The following FAM53A variants were observed in gnomAD, a reference collection of about 807,000 sequenced individuals.
The protein encoded by FAM53A is family with sequence similarity 53 member A, also known as protein FAM53A.
In FAM53A, 28 loss-of-function variants were observed where a neutral mutation model predicts 26.6. The ratio of observed to expected loss-of-function variants is 1.05; its 90% CI spans 0.78 to 1.45. The LOEUF (loss-of-function observed/expected upper bound fraction) is 1.45, where lower values mean the gene tolerates loss of function less well. Ranked by LOEUF, FAM53A falls within the 40% of genes most tolerant of loss-of-function variation. The pLI is 0.00. For missense variants in FAM53A, 650 were observed against 575.8 expected (o/e 1.13, Z -1.32); for synonymous variants, 290 against 253.1 (o/e 1.15, Z -1.38).
rs1199332228 is a variant in FAM53A, at chr4:1,641,452, G to C, written c.1038C>G (p.Ser346Arg). ...PGCSQRGLRTSPVHPNLWASR... is the reference protein window; with the variant it reads ...PGCSQRGLRTRPVHPNLWASR... ...AGGCCCACAGGTTGGGGTGGACAGG[G>C]CTGGTCCTGAGGCCCCTCTGGCTGC... is the stretch of plus-strand genomic sequence containing the variant. The change falls in exon 5 of 5, where the codon AGC (serine) becomes AGG (arginine). Residue 346 changes from serine (S) to arginine (R), a missense_variant. By Grantham distance (110) the Ser-to-Arg change is moderately radical. Transcript: ENST00000308132. The C allele has an allele frequency of 6.2e-7, 1 of 1,614,118 alleles. No individual in the cohort carries two copies. Among genetic ancestry groups the C allele is most frequent in the Admixed American group, 1.7e-5 (1 of 59,994 alleles).
chr4:1,623,892 C>T (rs980609725), intron 1 of FAM53A, among the ~76,000 whole-genome samples: 8 of 152,126 alleles, frequency 5.3e-5, no homozygotes, highest in Non-Finnish European at 8.8e-5. Flanking sequence ...CTCTGGCGGG[C>T]GGGGAGAAGT....
At chr4:1,626,057 C>T (rs1435573423) in intron 1 of FAM53A, among the ~76,000 whole-genome samples, 1 of 152,198 alleles carries the variant, frequency 6.6e-6, no homozygotes, top group Non-Finnish European at 1.5e-5. Flanking sequence ...TGGCTGCCTG[C>T]CAGGGTGCAG....
At chr4:1,638,018 C>T (rs1715923674), downstream of FAM53A, among the ~76,000 whole-genome samples, 1 of 151,906 alleles carries the variant, frequency 6.6e-6, no homozygotes. Context: ...CCGTGGGTGA[C>T]ACAGCTGAGC....
At chr4:1,601,185 C>T in the FAM53A span, among the ~76,000 whole-genome samples, 19 of 152,102 alleles carry the variant, frequency 1.2e-4, no homozygotes, top group African/African-American at 4.1e-4. Flanking sequence ...AGGCTGCCAA[C>T]GGGCAGGGCC....
intron 2 of FAM53A, among the ~76,000 whole-genome samples, chr4:1,666,735 C>G (rs995360971): frequency 2.0e-5 from 3 of 152,292 alleles, no homozygotes; most frequent in Admixed American, 6.5e-5. Context: ...GGCGCAGTGG[C>G]TCACGCCTGT....
chr4:1,600,607 C>G, the FAM53A span, among the ~76,000 whole-genome samples: 1 of 152,232 alleles, frequency 6.6e-6, no homozygotes, highest in African/African-American at 2.4e-5. Context: ...CACTGCGGTC[C>G]CCATCGGCTT....
chr4:1,637,713 G>A (rs1226898923), downstream of FAM53A, among the ~76,000 whole-genome samples: 2 of 152,242 alleles, frequency 1.3e-5, no homozygotes, highest in East Asian at 3.9e-4. Flanking sequence ...CTGTCTGAAG[G>A]ATCCCAGCCT....
the FAM53A span, among the ~76,000 whole-genome samples, chr4:1,587,017 G>A: frequency 2.0e-5 from 3 of 152,164 alleles, no homozygotes; most frequent in East Asian, 3.8e-4. Context: ...TTTACAACCC[G>A]TTGGCCATTT....
At chr4:1,598,423 C>T in the FAM53A span, among the ~76,000 whole-genome samples, 1 of 152,242 alleles carries the variant, frequency 6.6e-6, no homozygotes, top group Non-Finnish European at 1.5e-5. Flanking sequence ...GGATCTGTTT[C>T]CTCAAAGCAG....
In FAM53A at chr4:1,655,554, G is replaced by C; in HGVS notation, c.306C>G (p.Thr102=). The C allele has an allele frequency of 6.4e-7, 1 of 1,565,312 alleles. No homozygotes were observed. The highest frequency in any genetic ancestry group is 8.7e-7 in the Non-Finnish European group (1 of 1,154,974). Residue 102 remains threonine, a synonymous_variant, in exon 4 of 5, where the codon ACC becomes ACG. Transcript: ENST00000308132. ...AGCCTGTGCTTTCACTGGGGTCCACGGTGCTGGCTGCACCCAGGCCTGCGC... is the reference window on the plus strand; with the variant it reads ...AGCCTGTGCTTTCACTGGGGTCCACCGTGCTGGCTGCACCCAGGCCTGCGC... ...RPGAGLGAAS[T]VDPSESTGSS...
At position 1,634,522 on chromosome 4, in the gene FAM53A, C is replaced by T. The variant is rs530814412; in HGVS notation, c.432-16411G>A. ...ACGTGCCTGGGACATAATTTGGGCA[C>T]GGTCTTTTTTTTCCATTCTCTGAAC... On this transcript the variant is annotated intron_variant, in intron 1 of 1. Transcript: ENST00000489029. Among the ~76,000 whole-genome samples the T allele has an allele frequency of 4.6e-5, 7 of 152,324 alleles. No homozygotes were observed. The East Asian group carries it at 5.8e-4, about 13-fold the overall frequency.
chr4:1,659,404 C>T lies in FAM53A; in HGVS notation c.76-1936G>A, dbSNP rs1713660836. 6.6e-6 allele frequency among the ~76,000 whole-genome samples: 1 copy of T among 152,244 alleles called. No individual in the cohort carries two copies. Among genetic ancestry groups the T allele is most frequent in the South Asian group, 2.1e-4 (1 of 4,830 alleles). Reference sequence around the variant, plus strand: ...GCACAGCACCCGTTCCCCGGGGCCACATGAACAGCACCCAGCTCGACGCTG... The same window carrying T: ...GCACAGCACCCGTTCCCCGGGGCCATATGAACAGCACCCAGCTCGACGCTG... On this transcript the variant is annotated intron_variant, in intron 2 of 4. Coordinates refer to ENST00000308132, the MANE Select transcript of FAM53A (RefSeq NM_001174070.3). The surrounding 1 kb of genome is among the most constrained non-coding windows in gnomAD (Gnocchi z 5.2).
the FAM53A span, among the ~76,000 whole-genome samples, chr4:1,601,333 C>T: frequency 2.1e-5 from 2 of 97,386 alleles, 1 homozygote; most frequent in African/African-American, 6.4e-5. Context: ...GCAGCGGCCT[C>T]GCCCTTCCAG....
chr4:1,652,491 G>A (rs868492825), intron 4 of FAM53A, among the ~76,000 whole-genome samples: 1 of 118,058 alleles, frequency 8.5e-6, no homozygotes, highest in Non-Finnish European at 1.7e-5. Context: ...TACCACACAC[G>A]TCACAAACAC....
At chr4:1,587,140 C>G in the FAM53A span, among the ~76,000 whole-genome samples, 2 of 152,190 alleles carry the variant, frequency 1.3e-5, no homozygotes, top group East Asian at 1.9e-4. Context: ...TCGATATGAA[C>G]CCCTCATCAG....
chr4:1,604,630 T>C, the FAM53A span, among the ~76,000 whole-genome samples: 2 of 152,058 alleles, frequency 1.3e-5, no homozygotes, highest in Non-Finnish European at 2.9e-5. Flanking sequence ...ACCACCCTAC[T>C]TCCCCCAGGA....
the FAM53A span, among the ~76,000 whole-genome samples, chr4:1,579,813 G>A: frequency 1.3e-5 from 2 of 152,164 alleles, no homozygotes; most frequent in Non-Finnish European, 2.9e-5. Context: ...GCGCTGCGGG[G>A]CCCGCAGGGA....
At chr4:1,596,712 C>T in the FAM53A span, among the ~76,000 whole-genome samples, 4 of 152,188 alleles carry the variant, frequency 2.6e-5, no homozygotes, top group Non-Finnish European at 5.9e-5. Context: ...ACGGTACATG[C>T]GGGTTGCTTC....
chr4:1,620,741 A>C (rs1360052385), intron 1 of FAM53A, among the ~76,000 whole-genome samples: 1 of 151,944 alleles, frequency 6.6e-6, no homozygotes, highest in East Asian at 1.9e-4. Context: ...AACAATGATG[A>C]AAACATCAAC....
Sources: allele counts gnomAD v4.1 joint callset (sites outside exome capture counted in the v4.1 genomes callset), GRCh38; gene constraint gnomAD v4.1.1; non-coding constraint Gnocchi (gnomAD v3.1); transcripts MANE v1.5; gene names NCBI Gene and HGNC (gene_info 2026-07-23, HGNC 2026-07-21).